The following ERICH1 variants were observed in gnomAD, a reference collection of about 807,000 sequenced individuals.
ERICH1 encodes glutamate rich 1, also known as glutamate-rich protein 1.
In ERICH1, 56 loss-of-function variants were observed where a neutral mutation model predicts 39.6. That is an observed-to-expected ratio of 1.41 (90% CI 1.14 to 1.77). The LOEUF is 1.77. Ranked by LOEUF, ERICH1 falls within the 40% of genes most tolerant of loss-of-function variation. The probability of loss-of-function intolerance (pLI) is 0.00; values close to 1 mark genes in which losing one functional copy is unlikely to be tolerated. For missense variants in ERICH1, 826 were observed against 575.4 expected, an observed-to-expected ratio of 1.44 and a Z score of -4.45; for synonymous variants, 313 against 223.6, an observed-to-expected ratio of 1.40 and a Z score of -3.57.
Position 641,486 on chromosome 8 carries a change from C to A in ERICH1, c.977-26202G>T, listed in dbSNP as rs146905283. On this transcript the variant is annotated intron_variant, in intron 3 of 3. Transcript: ENST00000522706. ...CATTGACAGCTTTAACCCTGGCTGG[C>A]TTTAATTAGCTTGGTAAAGGTTAAT... Among the ~76,000 whole-genome samples, 739 of 152,362 alleles carry A rather than the reference C, an allele frequency of 4.9e-3. 8 individuals carry two copies. The highest frequency in any genetic ancestry group is 6.7e-3 in the Non-Finnish European group (459 of 68,038).
At chr8:672,243 C>T (rs1157467181) in intron 4 of ERICH1, 2 of 152,242 alleles carry the variant, frequency 1.3e-5, no homozygotes, top group African/African-American at 4.8e-5. Flanking sequence ...TTACTGAGAT[C>T]TTTCTGAATT....
At chr8:710,550 G>T (rs537911003) in intron 2 of ERICH1, among the ~76,000 whole-genome samples, 134 of 152,364 alleles carry the variant, frequency 8.8e-4, no homozygotes, top group Admixed American at 1.9e-3. Flanking sequence ...GCTCCTCCCA[G>T]TCCTCGGCAG....
At chr8:703,476 G>A (rs1463904854) in intron 2 of ERICH1, among the ~76,000 whole-genome samples, 2 of 152,278 alleles carry the variant, frequency 1.3e-5, no homozygotes, top group Admixed American at 6.5e-5. Context: ...AAAAAGGGGG[G>A]CAGGCAGGCT....
At chr8:617,896 C>T (rs375017275) in intron 3 of ERICH1, among the ~76,000 whole-genome samples, 11 of 126,028 alleles carry the variant, frequency 8.7e-5, no homozygotes, top group East Asian at 2.7e-4. Context: ...TCTGAGTGCT[C>T]GGTACTTGGT....
chr8:653,700 G>A (rs10107345), intron 3 of ERICH1, among the ~76,000 whole-genome samples: 1 of 152,106 alleles, frequency 6.6e-6, no homozygotes, highest in Non-Finnish European at 1.5e-5. Flanking sequence ...AAAAAAGAAG[G>A]GAGTCTGGAC....
intron 3 of ERICH1, among the ~76,000 whole-genome samples, chr8:648,502 C>CAA (rs531723403): frequency 2.9e-4 from 4 of 13,754 alleles, no homozygotes; most frequent in East Asian, 1.5e-3. Context: ...AAAGAAAAAG[C>CAA]AAAAAAAAAA....
chr8:631,736 C>T (rs1798051165), intron 3 of ERICH1, among the ~76,000 whole-genome samples: 1 of 152,308 alleles, frequency 6.6e-6, no homozygotes, highest in East Asian at 1.9e-4. Flanking sequence ...CAGCCGTCCA[C>T]ACCATCGTCT....
chr8:618,742 C>T (rs533300992), intron 3 of ERICH1, among the ~76,000 whole-genome samples: 43 of 152,246 alleles, frequency 2.8e-4, no homozygotes, highest in African/African-American at 9.4e-4. Flanking sequence ...GTGCTTAAAC[C>T]TGGTGTCGTG....
intron 3 of ERICH1, among the ~76,000 whole-genome samples, chr8:640,430 A>C (rs1798851938): frequency 6.6e-6 from 1 of 152,204 alleles, no homozygotes; most frequent in African/African-American, 2.4e-5. Context: ...TTTACTATGA[A>C]AGAGGAGATT....
Position 692,463 on chromosome 8 carries a change from C to T in ERICH1, c.304+15G>A, listed in dbSNP as rs952918906. On this transcript the variant is annotated intron_variant, in intron 3 of 5. Coordinates refer to ENST00000262109, the MANE Select transcript of ERICH1 (RefSeq NM_207332.3). Reference sequence around the variant, plus strand: ...CTGCAAAGATGTCTACCTTTCCTCCCACCCAGCATTTTACCTTCTGTGTCA... The same window carrying T: ...CTGCAAAGATGTCTACCTTTCCTCCTACCCAGCATTTTACCTTCTGTGTCA... 18 of 1,613,882 alleles carry T rather than the reference C, an allele frequency of 1.1e-5. No homozygotes were observed. The highest frequency in any genetic ancestry group is 1.5e-5 in the Non-Finnish European group (18 of 1,179,944).
At chr8:711,303 A>G (rs1195858672) in intron 2 of ERICH1, among the ~76,000 whole-genome samples, 1 of 152,150 alleles carries the variant, frequency 6.6e-6, no homozygotes, top group Non-Finnish European at 1.5e-5. Context: ...TGACAATGTC[A>G]TTCGCAGAGC....
intron 5 of ERICH1, among the ~76,000 whole-genome samples, chr8:665,556 C>T (rs1180516896): frequency 6.6e-6 from 1 of 152,172 alleles, no homozygotes; most frequent in Admixed American, 6.5e-5. Context: ...TCTAGAAAGC[C>T]CCAACAGTCA....
intron 3 of ERICH1, chr8:627,204 A>G (rs556527487): frequency 7.0e-5 from 32 of 456,228 alleles, no homozygotes; most frequent in South Asian, 4.2e-4. Flanking sequence ...GACCTGTACC[A>G]TTGGCCCAGG....
At chr8:727,863 G>T (rs939257306) in intron 1 of ERICH1, among the ~76,000 whole-genome samples, 1 of 152,216 alleles carries the variant, frequency 6.6e-6, no homozygotes, top group East Asian at 1.9e-4. Context: ...GCCTCAGGGT[G>T]CAGTGAGACG....
intron 3 of ERICH1, chr8:615,461 T>C (rs1796857128): frequency 1.3e-5 from 6 of 473,518 alleles, no homozygotes; most frequent in South Asian, 4.3e-5. Context: ...CAATAGTGCC[T>C]GGGGTGGCTG....
chr8:624,761 C>T (rs1293135180), intron 3 of ERICH1, among the ~76,000 whole-genome samples: 1 of 151,914 alleles, frequency 6.6e-6, no homozygotes, highest in Admixed American at 6.6e-5. Flanking sequence ...CAGTCTCGCT[C>T]TGTCACCCAG....
intron 3 of ERICH1, among the ~76,000 whole-genome samples, chr8:643,420 C>G (rs557176122): frequency 5.9e-5 from 9 of 152,152 alleles, no homozygotes; most frequent in African/African-American, 7.2e-5. Context: ...CATGGCCCGG[C>G]TCTCATGGGA....
chr8:682,400 T>C (rs1220315536), intron 3 of ERICH1, among the ~76,000 whole-genome samples: 1 of 152,246 alleles, frequency 6.6e-6, no homozygotes, highest in African/African-American at 2.4e-5. Context: ...ATGTGCTCTA[T>C]GCTCTGGCGT....
At chr8:686,448 TAA>T (rs59620199) in intron 3 of ERICH1, among the ~76,000 whole-genome samples, 1 of 147,396 alleles carries the variant, frequency 6.8e-6, no homozygotes. Flanking sequence ...CTAGGCAAGC[TAA>T]AAAAAAAAAA....
Sources: allele counts gnomAD v4.1 joint callset (sites outside exome capture counted in the v4.1 genomes callset), GRCh38; gene constraint gnomAD v4.1.1; transcripts MANE v1.5; gene names NCBI Gene and HGNC (gene_info 2026-07-23, HGNC 2026-07-21).